RFX7: variants seen among roughly 807,000 people sequenced by gnomAD.
RFX7 encodes regulatory factor X7.
Under a neutral mutation model 111.8 loss-of-function variants are expected in RFX7, and 26 were observed. The ratio of observed to expected loss-of-function variants is 0.23; its 90% CI spans 0.17 to 0.32. The LOEUF (loss-of-function observed/expected upper bound fraction) is 0.32, where lower values mean the gene tolerates loss of function less well. Ranked by LOEUF, RFX7 falls within the 10% of genes least tolerant of loss-of-function variation. The probability of loss-of-function intolerance (pLI) is 1.00; values close to 1 mark genes in which losing one functional copy is unlikely to be tolerated. For missense variants in RFX7, 1,573 were observed against 1,772.9 expected, an observed-to-expected ratio of 0.89 and a Z score of 2.02; for synonymous variants, 624 against 624.4, an observed-to-expected ratio of 1.00 and a Z score of 0.01.
intron 2 of RFX7, among the ~76,000 whole-genome samples, chr15:56,187,512 G>A (rs1048700776): frequency 1.4e-4 from 22 of 152,060 alleles, no homozygotes; most frequent in African/African-American, 5.3e-4. Flanking sequence ...TTGCCTGAGG[G>A]TACTTATCAG....
chr15:56,142,261 C>T (rs1267970981), intron 5 of RFX7, among the ~76,000 whole-genome samples: 2 of 152,082 alleles, frequency 1.3e-5, no homozygotes, highest in Admixed American at 1.3e-4. Flanking sequence ...GTAAATACAA[C>T]CAAATTTGAG....
At chr15:56,169,631 A>G (rs1194800160) in intron 3 of RFX7, among the ~76,000 whole-genome samples, 2 of 152,030 alleles carry the variant, frequency 1.3e-5, no homozygotes, top group Admixed American at 6.6e-5. Flanking sequence ...CAGGACAAGA[A>G]TTCAAACTCA....
At chr15:56,167,456 G>A (rs2042796601) in intron 3 of RFX7, among the ~76,000 whole-genome samples, 1 of 152,102 alleles carries the variant, frequency 6.6e-6, no homozygotes, top group Non-Finnish European at 1.5e-5. Flanking sequence ...ATAATGCTCT[G>A]GTGTTGGATA....
At chr15:56,112,379 C>CAAAAAAAAAAAAAAAAAA (rs71110374) in intron 5 of RFX7, among the ~76,000 whole-genome samples, 4 of 71,764 alleles carry the variant, frequency 5.6e-5, no homozygotes, top group Non-Finnish European at 7.7e-5. Context: ...GAGTACAAAT[C>CAAAAAAAAAAAAAAAAAA]AAAAAAAAAA....
At chr15:56,205,402 C>G (rs1190596148) in intron 2 of RFX7, among the ~76,000 whole-genome samples, 1 of 152,166 alleles carries the variant, frequency 6.6e-6, no homozygotes, top group Non-Finnish European at 1.5e-5. Context: ...TTTTGTTTCT[C>G]TCTTAGAAAT....
chr15:56,233,717 A>G (rs1479256308), intron 2 of RFX7, among the ~76,000 whole-genome samples: 2 of 152,218 alleles, frequency 1.3e-5, no homozygotes, highest in African/African-American at 4.8e-5. Context: ...CAAGGTACTA[A>G]GGCATAGAAA....
intron 2 of RFX7, among the ~76,000 whole-genome samples, chr15:56,218,040 C>A (rs1424362108): frequency 6.6e-6 from 1 of 151,928 alleles, no homozygotes; most frequent in Non-Finnish European, 1.5e-5. Flanking sequence ...ACTGAACACA[C>A]CCAAACTTTT....
In RFX7 at chr15:56,099,251, CT is replaced by C. The variant is rs547810483; in HGVS notation, c.812-876del. Among the ~76,000 whole-genome samples, 29 of 152,212 alleles carry C rather than the reference CT, an allele frequency of 1.9e-4. 1 individual carries two copies. The South Asian group carries it at 5.6e-3, about 29-fold the overall frequency. On this transcript the variant is annotated intron_variant, in intron 8 of 9. Transcript: ENST00000559447. ...GCTGGTACACCTTGCCCTTTCTTTT[CT>C]TTTCCCCATCCCAATTTCTGCTTTT... is the stretch of plus-strand genomic sequence containing the variant.
At chr15:56,222,272 C>G (rs2043434671) in intron 2 of RFX7, among the ~76,000 whole-genome samples, 1 of 152,074 alleles carries the variant, frequency 6.6e-6, no homozygotes, top group Non-Finnish European at 1.5e-5. Flanking sequence ...TTCCCCATTC[C>G]TGCCCCTCTA....
intron 5 of RFX7, among the ~76,000 whole-genome samples, chr15:56,119,753 G>C (rs550340970): frequency 3.2e-4 from 48 of 150,874 alleles, no homozygotes; most frequent in Admixed American, 4.6e-4. Context: ...CTCCAGCCTG[G>C]GTGACAGAGT....
chr15:56,148,443 T>C (rs2042516469), intron 3 of RFX7, among the ~76,000 whole-genome samples: 1 of 152,232 alleles, frequency 6.6e-6, no homozygotes, highest in African/African-American at 2.4e-5. Flanking sequence ...ACAATCAGAT[T>C]CAACATTCAT....
intron 3 of RFX7, among the ~76,000 whole-genome samples, chr15:56,154,963 A>C (rs2042631105): frequency 1.3e-5 from 2 of 152,218 alleles, no homozygotes; most frequent in Admixed American, 1.3e-4. Context: ...AAAAATGGGC[A>C]AAGGGTATGA....
chr15:56,140,037 T>C (rs572933472), intron 5 of RFX7, among the ~76,000 whole-genome samples: 2,094 of 152,052 alleles, frequency 0.014, 18 homozygotes, highest in Middle Eastern at 0.031. Context: ...GACAGGGACA[T>C]TTAAGTCTGC....
At chr15:56,098,957 TAGA>T (rs2041718192) in intron 8 of RFX7, among the ~76,000 whole-genome samples, 1 of 152,186 alleles carries the variant, frequency 6.6e-6, no homozygotes, top group Non-Finnish European at 1.5e-5. Flanking sequence ...CAGTATGACC[TAGA>T]AGAAATTCAG....
At chr15:56,185,025 T>A (rs1222499982) in intron 2 of RFX7, among the ~76,000 whole-genome samples, 1 of 152,204 alleles carries the variant, frequency 6.6e-6, no homozygotes, top group African/African-American at 2.4e-5. Flanking sequence ...GCATTATTTG[T>A]ATTTATGCTG....
At chr15:56,124,239 G>A (rs1033020001) in intron 5 of RFX7, among the ~76,000 whole-genome samples, 8 of 151,986 alleles carry the variant, frequency 5.3e-5, no homozygotes, top group Non-Finnish European at 8.8e-5. Context: ...TGGCTAACAC[G>A]GTGAAACCCT....
chr15:56,159,444 AT>A (rs1348733505), intron 3 of RFX7, among the ~76,000 whole-genome samples: 8 of 152,232 alleles, frequency 5.3e-5, no homozygotes, highest in African/African-American at 1.9e-4. Flanking sequence ...ATCATTGAAG[AT>A]TATGTTACAC....
intron 5 of RFX7, among the ~76,000 whole-genome samples, chr15:56,141,984 T>G (rs77929493): frequency 5.9e-4 from 90 of 152,196 alleles, no homozygotes; most frequent in African/African-American, 2.1e-3. Flanking sequence ...AAGTACAATT[T>G]CCTTCGCATT....
At chr15:56,142,677 A>C (rs1281018718) in intron 5 of RFX7, 101 bp downstream of exon 5, 16 of 1,037,748 alleles carry the variant, frequency 1.5e-5, no homozygotes, top group Non-Finnish European at 2.1e-5. Context: ...ATTCCCATAT[A>C]CCAGCTTGAT....
Sources: gnomAD v4.1 joint callset for allele counts (sites outside exome capture counted in the v4.1 genomes callset) on GRCh38, gnomAD v4.1.1 for gene constraint, MANE v1.5 for transcripts, NCBI Gene and HGNC (gene_info 2026-07-23, HGNC 2026-07-21) for gene names.